Variants in ATF4 observed in about 807,000 individuals in gnomAD.
The protein encoded by ATF4 is cyclic AMP-dependent transcription factor ATF-4.
In ATF4, 8 loss-of-function variants were observed where a neutral mutation model predicts 21.0. That is an observed-to-expected ratio of 0.38 (90% confidence interval 0.22 to 0.69). ATF4 has a LOEUF of 0.69. ATF4 is among the 30% of genes least tolerant of loss of function. The pLI, the probability that ATF4 is intolerant of heterozygous loss-of-function variation, is 0.49. For missense variants in ATF4, 549 were observed against 425.9 expected (o/e 1.29, Z -2.54); for synonymous variants, 241 against 166.4 (o/e 1.45, Z -3.45).
Position 39,521,502 on chromosome 22 carries a change from C to T in ATF4, c.57C>T (p.Pro19=), listed in dbSNP as rs2145762797. Residue 19 remains proline, a synonymous_variant, in exon 2 of 3, where the codon CCC becomes CCT. Coordinates refer to ENST00000674920, the MANE Select transcript of ATF4 (RefSeq NM_182810.3). ...TGTTGGTGGGGGACTTGATGTCCCCCTTCGACCAGTCGGGTTTGGGGGCTG... is the reference window on the plus strand; with the variant it reads ...TGTTGGTGGGGGACTTGATGTCCCCTTTCGACCAGTCGGGTTTGGGGGCTG... ...SEVLVGDLMS[P]FDQSGLGAEE... is the part of the protein sequence containing the mutation. The T allele has an allele frequency of 1.2e-6, 2 of 1,602,128 alleles. No individual in the cohort carries two copies. The highest frequency in any genetic ancestry group is 2.2e-5 in the East Asian group (1 of 44,666).
At position 39,522,417 on chromosome 22, in the gene ATF4, G is replaced by A. The variant is rs1166277422; in HGVS notation, c.871G>A (p.Ala291Thr). The change falls in exon 3 of 3, where the codon GCA becomes ACA. Residue 291 changes from alanine to threonine, a missense_variant. Transcript: ENST00000674920. Reference sequence around the variant, plus strand: ...GAAAAAAATGGAGCAAAACAAGACAGCAGCCACTAGGTACCGCCAGAAGAA... The same window carrying A: ...GAAAAAAATGGAGCAAAACAAGACAACAGCCACTAGGTACCGCCAGAAGAA... Reference protein sequence around the residue: ...KLKKMEQNKTAATRYRQKKRA... With the variant: ...KLKKMEQNKTTATRYRQKKRA... The A allele has an allele frequency of 6.2e-7, 1 of 1,612,946 alleles. No homozygotes were observed. The highest frequency in any genetic ancestry group is 8.5e-7 in the Non-Finnish European group (1 of 1,179,586).
In ATF4 at chr22:39,521,506, G is replaced by A; in HGVS notation, c.61G>A (p.Asp21Asn). Residue 21 changes from aspartate to asparagine, a missense_variant, in exon 2 of 3, where the codon GAC becomes AAC. Coordinates refer to ENST00000674920, the MANE Select transcript of ATF4 (RefSeq NM_182810.3). ...GGTGGGGGACTTGATGTCCCCCTTC[G>A]ACCAGTCGGGTTTGGGGGCTGAAGA... is the stretch of plus-strand genomic sequence containing the variant. ...VLVGDLMSPF[D>N]QSGLGAEESL... 9 of 1,602,998 alleles carry A rather than the reference G, an allele frequency of 5.6e-6. No homozygotes were observed. The highest frequency in any genetic ancestry group is 2.2e-5 in the East Asian group (1 of 44,658).
At position 39,521,840 on chromosome 22, in the gene ATF4, C is replaced by G. The variant is rs149857296; in HGVS notation, c.294C>G (p.Ala98=). The change falls in exon 3 of 3, where the codon GCC becomes GCG. Residue 98 remains alanine, a synonymous_variant. Coordinates refer to ENST00000674920, the MANE Select transcript of ATF4 (RefSeq NM_182810.3). ...KMDLKEFDLD[A]LLGIDDLETM... ...ATTTGAAGGAGTTCGACTTGGATGCCCTGTTGGGTATAGATGACCTGGAAA... is the reference window on the plus strand; with the variant it reads ...ATTTGAAGGAGTTCGACTTGGATGCGCTGTTGGGTATAGATGACCTGGAAA... 1 of 1,614,028 alleles carries G rather than the reference C, an allele frequency of 6.2e-7. No homozygotes were observed. Among genetic ancestry groups the G allele is most frequent in the Non-Finnish European group, 8.5e-7 (1 of 1,180,016 alleles).
intron 1 of ATF4, 161 bp from the exon 2 acceptor site, chr22:39,521,193 T>G: frequency 7.0e-6 from 2 of 286,226 alleles, no homozygotes; most frequent in Non-Finnish European, 1.3e-5. Flanking sequence ...TGAGCGTCCA[T>G]TTTGTGGAAC....
At chr22:39,521,747 G>T (rs760045225) in intron 2 of ATF4, 26 bp from the exon 3 acceptor site, 18 of 1,612,052 alleles carry the variant, frequency 1.1e-5, no homozygotes, top group Non-Finnish European at 1.5e-5. Flanking sequence ...TGACTCACTT[G>T]GCCCCATCAC....
At position 39,521,400 on chromosome 22, in the gene ATF4, A is replaced by G. The variant is rs755200555; in HGVS notation, c.-46A>G. On this transcript the variant is annotated 5_prime_UTR_variant, in exon 2 of 3. Transcript: ENST00000674920. ...CAGCGTTGCTGTAACCGACAAAGAC[A>G]CCTTCGAATTAAGCACATTCCTCGA... 1.1e-5 allele frequency: 17 copies of G among 1,482,468 alleles called. No homozygotes were observed. The highest frequency in any genetic ancestry group is 1.5e-5 in the Non-Finnish European group (17 of 1,104,156). The allele number at this position is 1,482,468 out of a possible 1,614,324, so 91.8% of individuals were successfully genotyped here. A position where few individuals can be genotyped will look rare whatever the true frequency, so the allele number is the denominator to read the frequency against.
At position 39,520,683 on chromosome 22, in the gene ATF4, T is replaced by C. The variant is rs1381203366; in HGVS notation, c.-161T>C. The stretch of plus-strand genomic sequence containing the variant: ...AGGGGCAGCAGTGCCTGCGGCAGCA[T>C]TGGCCTTTGCAGCGGCGGCAGCAGC... On this transcript the variant is annotated 5_prime_UTR_variant, in exon 1 of 3. Transcript: ENST00000674920. 3 of 153,318 alleles carry C rather than the reference T, an allele frequency of 2.0e-5. No individual in the cohort carries two copies. The highest frequency in any genetic ancestry group is 2.9e-5 in the Non-Finnish European group (2 of 68,442). The allele number at this position is 153,318 out of a possible 1,614,324, so 9.5% of individuals were successfully genotyped here.
chr22:39,521,252 C>G (rs1169468961), intron 1 of ATF4, 102 bp from the exon 2 acceptor site: 6 of 484,932 alleles, frequency 1.2e-5, no homozygotes, highest in African/African-American at 1.9e-5. Context: ...GTTCCCGATT[C>G]TCTAGATGGC....
chr22:39,521,691 A>G lies in ATF4; in HGVS notation c.226+20A>G, dbSNP rs766938280. 3 of 1,611,164 alleles carry G rather than the reference A, an allele frequency of 1.9e-6. No homozygotes were observed. The highest frequency in any genetic ancestry group is 2.2e-5 in the East Asian group (1 of 44,864). On this transcript the variant is annotated intron_variant, in intron 2 of 2. Transcript: ENST00000674920. ...GCAAGGGTGAGTGGGCCACCACCAC[A>G]TCGTCCTGGTGGGATCTAGGGTTAG... is the stretch of plus-strand genomic sequence containing the variant.
Position 39,521,683 on chromosome 22 carries a change from A to G in ATF4, c.226+12A>G. 6.2e-7 allele frequency: 1 copy of G among 1,612,262 alleles called. No homozygotes were observed. Among genetic ancestry groups the G allele is most frequent in the Non-Finnish European group, 8.5e-7 (1 of 1,178,650 alleles). The stretch of plus-strand genomic sequence containing the variant: ...CAACAACAGCAAGGGTGAGTGGGCC[A>G]CCACCACATCGTCCTGGTGGGATCT... On this transcript the variant is annotated intron_variant, in intron 2 of 2. Coordinates refer to ENST00000674920, the MANE Select transcript of ATF4 (RefSeq NM_182810.3).
chr22:39,522,187 C>T lies in ATF4; in HGVS notation c.641C>T (p.Pro214Leu), dbSNP rs1384839370. Reference protein sequence around the residue: ...IPQCIKEEDTPSDNDSGICMS... With the variant: ...IPQCIKEEDTLSDNDSGICMS... Reference sequence around the variant, plus strand: ...CAGTGCATAAAGGAGGAAGACACCCCTTCAGATAATGATAGTGGCATCTGT... The same window carrying T: ...CAGTGCATAAAGGAGGAAGACACCCTTTCAGATAATGATAGTGGCATCTGT... Residue 214 changes from proline (P) to leucine (L), a missense_variant, in exon 3 of 3, where the codon CCT becomes CTT. By Grantham distance (98) the Pro-to-Leu change is moderately conservative. Transcript: ENST00000674920. 22 of 1,611,834 alleles carry T rather than the reference C, an allele frequency of 1.4e-5. No homozygotes were observed. In the Admixed American group the frequency reaches 2.5e-4, roughly 18 times the overall value.
intron 1 of ATF4, chr22:39,521,084 G>T (rs1265630731): frequency 1.2e-5 from 2 of 168,236 alleles, no homozygotes; most frequent in South Asian, 1.4e-4. Flanking sequence ...GTGAGTCAAG[G>T]GCGGGCGGTG....
Position 39,521,407 on chromosome 22 carries a change from A to G in ATF4, c.-39A>G. Reference sequence around the variant, plus strand: ...GCTGTAACCGACAAAGACACCTTCGAATTAAGCACATTCCTCGATTCCAGC... The same window carrying G: ...GCTGTAACCGACAAAGACACCTTCGGATTAAGCACATTCCTCGATTCCAGC... On this transcript the variant is annotated 5_prime_UTR_variant, in exon 2 of 3. Coordinates refer to ENST00000674920, the MANE Select transcript of ATF4 (RefSeq NM_182810.3). 1.3e-6 allele frequency: 2 copies of G among 1,500,840 alleles called. No individual in the cohort carries two copies. The highest frequency in any genetic ancestry group is 1.8e-6 in the Non-Finnish European group (2 of 1,119,446). The allele number at this position is 1,500,840 out of a possible 1,614,324, so 93.0% of individuals were successfully genotyped here. A position where few individuals can be genotyped will look rare whatever the true frequency, so the allele number is the denominator to read the frequency against.
In ATF4 at chr22:39,522,235, G is replaced by A. The variant is rs780133133; in HGVS notation, c.689G>A (p.Gly230Glu). Residue 230 changes from glycine to glutamate, a missense_variant, in exon 3 of 3, where the codon GGG becomes GAG. Transcript: ENST00000674920. ...GICMSPESYL[G>E]SPQHSPSTRG... is the part of the protein sequence containing the mutation. ...TGTATGAGCCCAGAGTCCTATCTGG[G>A]GTCTCCTCAGCACAGCCCCTCTACC... 1.6e-5 allele frequency: 25 copies of A among 1,608,320 alleles called. No individual in the cohort carries two copies. The South Asian group carries it at 2.5e-4, about 16-fold the overall frequency.
rs760553685 is a variant in ATF4, at chr22:39,521,919, C to T, written c.373C>T (p.Pro125Ser). ...GGATGACACTTGTGATCTCTTTGCCCCCCTAGTCCAGGAGACTAATAAGCA... is the reference window on the plus strand; with the variant it reads ...GGATGACACTTGTGATCTCTTTGCCTCCCTAGTCCAGGAGACTAATAAGCA... ...TLDDTCDLFA[P>S]LVQETNKQPP... Residue 125 changes from proline (P) to serine (S), a missense_variant, in exon 3 of 3, where the codon CCC (proline) becomes TCC (serine). Physicochemically the swap from Pro to Ser is moderately conservative, Grantham distance 74. Coordinates refer to ENST00000674920, the MANE Select transcript of ATF4 (RefSeq NM_182810.3). The T allele has an allele frequency of 1.8e-5, 29 of 1,613,050 alleles. No individual in the cohort carries two copies. The highest frequency in any genetic ancestry group is 1.6e-4 in the Middle Eastern group (1 of 6,082).
chr22:39,522,464 T>A lies in ATF4; in HGVS notation c.918T>A (p.Leu306=). The A allele has an allele frequency of 6.2e-7, 1 of 1,613,862 alleles. No individual in the cohort carries two copies. Among genetic ancestry groups the A allele is most frequent in the Non-Finnish European group, 8.5e-7 (1 of 1,179,808 alleles). Reference sequence around the variant, plus strand: ...AGAAGAGGGCGGAGCAGGAGGCTCTTACTGGTGAGTGCAAAGAGCTGGAAA... The same window carrying A: ...AGAAGAGGGCGGAGCAGGAGGCTCTAACTGGTGAGTGCAAAGAGCTGGAAA... ...RQKKRAEQEA[L]TGECKELEKK... is the part of the protein sequence containing the mutation. Residue 306 remains leucine, a synonymous_variant, in exon 3 of 3, where the codon CTT becomes CTA. Coordinates refer to ENST00000674920, the MANE Select transcript of ATF4 (RefSeq NM_182810.3).
Position 39,521,843 on chromosome 22 carries a change from G to T in ATF4, c.297G>T (p.Leu99=). The T allele has an allele frequency of 6.2e-7, 1 of 1,614,242 alleles. No homozygotes were observed. The highest frequency in any genetic ancestry group is 8.5e-7 in the Non-Finnish European group (1 of 1,180,038). The change falls in exon 3 of 3, where the codon CTG becomes CTT. Residue 99 remains leucine (L), a synonymous_variant. Coordinates refer to ENST00000674920, the MANE Select transcript of ATF4 (RefSeq NM_182810.3). The stretch of plus-strand genomic sequence containing the variant: ...TGAAGGAGTTCGACTTGGATGCCCT[G>T]TTGGGTATAGATGACCTGGAAACCA... ...MDLKEFDLDA[L]LGIDDLETMP...
rs752888565 is a variant in ATF4, at chr22:39,521,771, A to G, written c.227-2A>G. On this transcript the variant is annotated splice_acceptor_variant, in intron 2 of 2. Coordinates refer to ENST00000674920, the MANE Select transcript of ATF4 (RefSeq NM_182810.3). LOFTEE classifies it high-confidence loss of function. ...TGGCCCCATCACTCAAATGTTTTGC[A>G]GAGGATGCCTTCTCCGGGACAGATT... The G allele has an allele frequency of 4.3e-6, 7 of 1,613,692 alleles. No individual in the cohort carries two copies. Among genetic ancestry groups the G allele is most frequent in the Non-Finnish European group, 5.9e-6 (7 of 1,179,686 alleles).
chr22:39,521,943 C>T lies in ATF4; in HGVS notation c.397C>T (p.Gln133Ter). Reference protein sequence around the residue: ...FAPLVQETNKQPPQTVNPIGH... With the variant: ...FAPLVQETNK The stretch of plus-strand genomic sequence containing the variant: ...CCCCCTAGTCCAGGAGACTAATAAG[C>T]AGCCCCCCCAGACGGTGAACCCAAT... The change falls in exon 3 of 3, where the codon CAG (glutamine) becomes TAG (stop). Residue 133 changes from glutamine (Q) to a stop codon, truncating the protein, a stop_gained. Coordinates refer to ENST00000674920, the MANE Select transcript of ATF4 (RefSeq NM_182810.3). LOFTEE classifies it high-confidence loss of function. 1.2e-6 allele frequency: 2 copies of T among 1,613,474 alleles called. No individual in the cohort carries two copies. The highest frequency in any genetic ancestry group is 1.7e-6 in the Non-Finnish European group (2 of 1,179,778).
Sources: gnomAD v4.1 joint callset for allele counts on GRCh38, gnomAD v4.1.1 for gene constraint, MANE v1.5 for transcripts, NCBI Gene and HGNC (gene_info 2026-07-23, HGNC 2026-07-21) for gene names.